PPFIA2: variants seen among roughly 807,000 people sequenced by gnomAD.
PPFIA2 encodes liprin-alpha-2.
Under a neutral mutation model 175.5 loss-of-function variants are expected in PPFIA2, and 46 were observed. The observed-to-expected ratio is 0.26, with a 90% confidence interval of 0.21 to 0.34. PPFIA2 has a LOEUF of 0.34. Among genes scored for constraint, PPFIA2 ranks in the 10% least tolerant of loss-of-function variants. PPFIA2 has a pLI of 1.00. For synonymous variants in PPFIA2, 568 were observed against 511.4 expected (o/e 1.11, Z -1.49); for missense variants, 1,179 against 1,506.1 (o/e 0.78, Z 3.60).
intron 4 of PPFIA2, among the ~76,000 whole-genome samples, chr12:81,490,582 G>C (rs2059320055): frequency 6.6e-6 from 1 of 151,930 alleles, no homozygotes. Context: ...CTGGATGCCA[G>C]ATTCACATTC....
At chr12:81,453,007 T>TA (rs1555394841) in intron 5 of PPFIA2, among the ~76,000 whole-genome samples, 1 of 152,012 alleles carries the variant, frequency 6.6e-6, no homozygotes, top group Non-Finnish European at 1.5e-5. Context: ...AATTTTTTTT[T>TA]ATTATACTTT....
chr12:81,339,615 G>A (rs2057720645), intron 20 of PPFIA2, among the ~76,000 whole-genome samples: 2 of 151,840 alleles, frequency 1.3e-5, no homozygotes, highest in African/African-American at 4.8e-5. Flanking sequence ...TATAGGCTGA[G>A]TTATTAACTG....
chr12:81,359,962 C>T (rs1030756612), intron 15 of PPFIA2, among the ~76,000 whole-genome samples: 15 of 151,934 alleles, frequency 9.9e-5, no homozygotes, highest in Admixed American at 9.2e-4. Context: ...TACTGACCTT[C>T]TTTCAATTCC....
At chr12:81,443,357 T>C (rs2050584764) in intron 6 of PPFIA2, among the ~76,000 whole-genome samples, 1 of 152,110 alleles carries the variant, frequency 6.6e-6, no homozygotes, top group Non-Finnish European at 1.5e-5. Flanking sequence ...GCATTACTTG[T>C]TGATAATCAG....
intron 4 of PPFIA2, chr12:81,598,024 G>A (rs1232580494): frequency 6.5e-7 from 1 of 1,534,932 alleles, no homozygotes; most frequent in Non-Finnish European, 8.7e-7. Flanking sequence ...TCATATCCGA[G>A]AAAATCATTT....
intron 9 of PPFIA2, among the ~76,000 whole-genome samples, chr12:81,379,616 A>G (rs1434000442): frequency 6.6e-6 from 1 of 152,174 alleles, no homozygotes; most frequent in Non-Finnish European, 1.5e-5. Flanking sequence ...AAAACTGGAG[A>G]GATAATCCAC....
At chr12:81,459,830 T>C (rs918352826) in intron 4 of PPFIA2, among the ~76,000 whole-genome samples, 2 of 152,102 alleles carry the variant, frequency 1.3e-5, no homozygotes, top group African/African-American at 4.8e-5. Flanking sequence ...TCACATTTAT[T>C]ATACCACCTT....
At chr12:81,337,286 T>C (rs1057233642) in intron 21 of PPFIA2, among the ~76,000 whole-genome samples, 3 of 152,162 alleles carry the variant, frequency 2.0e-5, no homozygotes, top group African/African-American at 7.2e-5. Flanking sequence ...GATTCTGGCT[T>C]TGTTTACACT....
At chr12:81,469,483 A>G (rs939174603) in intron 4 of PPFIA2, among the ~76,000 whole-genome samples, 2 of 152,226 alleles carry the variant, frequency 1.3e-5, no homozygotes, top group Non-Finnish European at 2.9e-5. Context: ...TGAAGGGGGC[A>G]TCTAAGATGA....
At chr12:81,469,618 T>C (rs2056374913) in intron 4 of PPFIA2, among the ~76,000 whole-genome samples, 1 of 152,190 alleles carries the variant, frequency 6.6e-6, no homozygotes, top group African/African-American at 2.4e-5. Flanking sequence ...CCTATAAAAT[T>C]CTTACAGAAA....
rs2063447657 is a variant in PPFIA2, at chr12:81,523,885, C to T, written c.304-66019G>A. Among the ~76,000 whole-genome samples the T allele has an allele frequency of 2.0e-5, 3 of 152,172 alleles. No individual in the cohort carries two copies. In the South Asian group the frequency reaches 6.2e-4, roughly 32 times the overall value. On this transcript the variant is annotated intron_variant, in intron 4 of 32. Transcript: ENST00000549396. ...TTAATGAAACATCAGTTTGCCCATA[C>T]CTTCCAAAAATATAAACAATGAAAA...
At chr12:81,747,058 C>T (rs1416820556) in intron 3 of PPFIA2, among the ~76,000 whole-genome samples, 1 of 142,422 alleles carries the variant, frequency 7.0e-6, no homozygotes, top group Non-Finnish European at 1.6e-5. Context: ...ATGATAGAAG[C>T]CTGATTGCAA....
chr12:81,418,706 G>GA (rs200692123), intron 7 of PPFIA2, among the ~76,000 whole-genome samples: 59 of 149,484 alleles, frequency 3.9e-4, no homozygotes, highest in East Asian at 7.9e-4. Context: ...TCTCTTTAAG[G>GA]AAAAAAAAAC....
chr12:81,457,609 T>C (rs989545644), intron 5 of PPFIA2, among the ~76,000 whole-genome samples, 156 bp downstream of exon 5: 8 of 152,220 alleles, frequency 5.3e-5, no homozygotes, highest in Admixed American at 2.6e-4. Context: ...TTGAGTTTTA[T>C]AGTATATCCT....
At chr12:81,475,429 A>T (rs1288897686) in intron 4 of PPFIA2, among the ~76,000 whole-genome samples, 1 of 152,250 alleles carries the variant, frequency 6.6e-6, no homozygotes, top group Non-Finnish European at 1.5e-5. Context: ...TTCTGTAAAC[A>T]TTTTAAACTT....
At chr12:81,479,978 C>T (rs1486079707) in intron 4 of PPFIA2, among the ~76,000 whole-genome samples, 1 of 152,126 alleles carries the variant, frequency 6.6e-6, no homozygotes, top group Non-Finnish European at 1.5e-5. Flanking sequence ...GGGAAGTTCT[C>T]CTGGATAGTA....
At chr12:81,585,097 GAAT>G (rs956497015) in intron 4 of PPFIA2, among the ~76,000 whole-genome samples, 3 of 125,310 alleles carry the variant, frequency 2.4e-5, no homozygotes, top group Admixed American at 9.8e-5. Context: ...ATATATAAAA[GAAT>G]AAAAAGCATA....
chr12:81,718,750 G>C (rs1179443852), intron 3 of PPFIA2, among the ~76,000 whole-genome samples: 1 of 151,624 alleles, frequency 6.6e-6, no homozygotes, highest in Non-Finnish European at 1.5e-5. Context: ...ATGTTCATTT[G>C]TTTAAGTCCT....
chr12:81,296,707 C>T (rs1477901668), intron 23 of PPFIA2: 1 of 152,120 alleles, frequency 6.6e-6, no homozygotes, highest in African/African-American at 2.4e-5. Context: ...CAGCAAAATA[C>T]AGTGCCAAGA....
Sources: allele counts gnomAD v4.1 joint callset (sites outside exome capture counted in the v4.1 genomes callset), GRCh38; gene constraint gnomAD v4.1.1; transcripts MANE v1.5; gene names NCBI Gene and HGNC (gene_info 2026-07-23, HGNC 2026-07-21).